CNTN5: variants seen among roughly 807,000 people sequenced by gnomAD.
The protein encoded by CNTN5 is contactin 5.
CNTN5 carries 77 observed loss-of-function variants against 129.1 expected under a neutral mutation model. That is an observed-to-expected ratio of 0.60 (90% CI 0.50 to 0.72). CNTN5 has a LOEUF of 0.72. Among genes scored for constraint, CNTN5 ranks in the 30% least tolerant of loss-of-function variants. The pLI, the probability that CNTN5 is intolerant of heterozygous loss-of-function variation, is 0.00. For synonymous variants in CNTN5, 509 were observed against 465.6 expected (o/e 1.09, Z -1.20); for missense variants, 1,478 against 1,328.8 (o/e 1.11, Z -1.75).
intron 3 of CNTN5, among the ~76,000 whole-genome samples, chr11:99,669,746 G>A (rs1952958313): frequency 1.3e-5 from 2 of 152,032 alleles, no homozygotes; most frequent in African/African-American, 4.8e-5. Context: ...CTAGAATTCC[G>A]TGATTCTGAT....
intron 3 of CNTN5, among the ~76,000 whole-genome samples, chr11:99,705,112 A>G (rs934495750): frequency 2.6e-5 from 4 of 151,390 alleles, no homozygotes; most frequent in Admixed American, 6.6e-5. Flanking sequence ...CCCACTTTAC[A>G]GCTGTCACCC....
intron 15 of CNTN5, among the ~76,000 whole-genome samples, chr11:100,216,085 G>A (rs1182135583): frequency 6.6e-6 from 1 of 152,058 alleles, no homozygotes; most frequent in Non-Finnish European, 1.5e-5. Context: ...AGCACAGAGT[G>A]GTCTACTACA....
chr11:99,108,859 A>G (rs879631182), intron 1 of CNTN5, among the ~76,000 whole-genome samples: 14 of 152,088 alleles, frequency 9.2e-5, no homozygotes, highest in African/African-American at 3.1e-4. Flanking sequence ...AGGCTTTCTC[A>G]GCACTTAAAA....
At chr11:99,197,915 G>A (rs1565395951) in intron 1 of CNTN5, among the ~76,000 whole-genome samples, 1 of 152,200 alleles carries the variant, frequency 6.6e-6, no homozygotes, top group South Asian at 2.1e-4. Context: ...TAATTTGGTG[G>A]TAAACATTAG....
chr11:99,736,760 C>T (rs1943724736), intron 3 of CNTN5, among the ~76,000 whole-genome samples: 1 of 151,990 alleles, frequency 6.6e-6, no homozygotes, highest in South Asian at 2.1e-4. Context: ...CTATATGTAT[C>T]TATATCTATA....
chr11:99,769,829 AC>A (rs1411888883), intron 3 of CNTN5, among the ~76,000 whole-genome samples: 14 of 151,724 alleles, frequency 9.2e-5, no homozygotes, highest in Admixed American at 2.6e-4. Context: ...AAAAAAAAAA[AC>A]AATCTGATTT....
intron 8 of CNTN5, among the ~76,000 whole-genome samples, chr11:99,985,445 C>G (rs1938615461): frequency 1.3e-5 from 2 of 152,254 alleles, no homozygotes; most frequent in African/African-American, 4.8e-5. Context: ...CTATCCTCTA[C>G]TGACTGTGTC....
At chr11:99,308,299 A>C (rs1387200862) in intron 1 of CNTN5, among the ~76,000 whole-genome samples, 1 of 152,214 alleles carries the variant, frequency 6.6e-6, no homozygotes, top group South Asian at 2.1e-4. Flanking sequence ...TGTAGAAGAA[A>C]CAGACCAGTA....
At chr11:100,124,009 AG>A (rs1217841718) in intron 13 of CNTN5, among the ~76,000 whole-genome samples, 1 of 152,038 alleles carries the variant, frequency 6.6e-6, no homozygotes, top group East Asian at 1.9e-4. Flanking sequence ...TAAACCAAAA[AG>A]TTCTTGTTCT....
rs570737024 is a variant in CNTN5, at chr11:100,336,592, G to T, written c.2731-3871G>T. 9.7e-4 allele frequency among the ~76,000 whole-genome samples: 147 copies of T among 152,190 alleles called. 1 individual carries two copies. The Middle Eastern group carries it at 0.01, about 11-fold the overall frequency. On this transcript the variant is annotated intron_variant, in intron 21 of 24. Coordinates refer to ENST00000524871, the MANE Select transcript of CNTN5 (RefSeq NM_014361.4). Reference sequence around the variant, plus strand: ...GATATCTTTTTAATGACTTTAATTTGGTTTCAAGTGATTTTACATAGAGAG... The same window carrying T: ...GATATCTTTTTAATGACTTTAATTTTGTTTCAAGTGATTTTACATAGAGAG...
In CNTN5 at chr11:99,616,930, G is replaced by A. The variant is rs567235809; in HGVS notation, c.55+60661G>A. 1.2e-4 allele frequency among the ~76,000 whole-genome samples: 18 copies of A among 152,220 alleles called. No individual in the cohort carries two copies. In the East Asian group the frequency reaches 3.5e-3, roughly 29 times the overall value. On this transcript the variant is annotated intron_variant, in intron 3 of 24. Transcript: ENST00000524871. ...GTTCGAGACCAGCCTGGCCAACATG[G>A]CAAAACCCTGTCTCTACTAAAAATA...
At chr11:100,238,411 A>G (rs1949665476) in intron 16 of CNTN5, among the ~76,000 whole-genome samples, 1 of 122,862 alleles carries the variant, frequency 8.1e-6, no homozygotes, top group Non-Finnish European at 1.8e-5. Context: ...CACTTGTCAA[A>G]AAAAAAAAAA....
chr11:100,314,492 C>T (rs1316201486), intron 21 of CNTN5, among the ~76,000 whole-genome samples: 1 of 152,104 alleles, frequency 6.6e-6, no homozygotes, highest in East Asian at 1.9e-4. Flanking sequence ...CAAGTCCATA[C>T]CCATGTTCCA....
intron 16 of CNTN5, among the ~76,000 whole-genome samples, chr11:100,239,638 A>C (rs1949694494): frequency 2.6e-5 from 4 of 152,216 alleles, no homozygotes; most frequent in Admixed American, 2.0e-4. Context: ...TTTGAAAATA[A>C]TTGCAAAGTA....
At chr11:99,549,103 T>A (rs543275105) in intron 2 of CNTN5, among the ~76,000 whole-genome samples, 13 of 152,064 alleles carry the variant, frequency 8.5e-5, no homozygotes, top group Non-Finnish European at 1.3e-4. Context: ...TTTTTTTTTT[T>A]TATAACACAA....
At chr11:99,849,645 A>G (rs1038748803) in intron 6 of CNTN5, among the ~76,000 whole-genome samples, 3 of 152,100 alleles carry the variant, frequency 2.0e-5, no homozygotes, top group African/African-American at 7.2e-5. Flanking sequence ...GATAGTAAAA[A>G]ATATTTTTTA....
At chr11:99,684,956 C>A (rs1346998724) in intron 3 of CNTN5, among the ~76,000 whole-genome samples, 1 of 150,856 alleles carries the variant, frequency 6.6e-6, no homozygotes, top group African/African-American at 2.4e-5. Context: ...TTAATGTCTG[C>A]TCTTATTTTT....
chr11:99,839,872 T>C (rs1002220929), intron 4 of CNTN5, among the ~76,000 whole-genome samples: 15 of 152,108 alleles, frequency 9.9e-5, no homozygotes, highest in African/African-American at 3.4e-4. Flanking sequence ...GAACTTTTTT[T>C]CTTTTTAAAG....
intron 1 of CNTN5, among the ~76,000 whole-genome samples, chr11:99,313,741 C>T (rs944121958): frequency 6.6e-5 from 10 of 151,870 alleles, no homozygotes; most frequent in African/African-American, 2.4e-4. Context: ...TAACAAACTC[C>T]ACTTAAACTG....
Sources: allele counts gnomAD v4.1 joint callset (sites outside exome capture counted in the v4.1 genomes callset), GRCh38; gene constraint gnomAD v4.1.1; transcripts MANE v1.5; gene names NCBI Gene and HGNC (gene_info 2026-07-23, HGNC 2026-07-21).